PAK2: variants seen among roughly 807,000 people sequenced by gnomAD.
The protein encoded by PAK2 is p21 (RAC1) activated kinase 2.
PAK2 carries 21 observed loss-of-function variants against 65.9 expected under a neutral mutation model. That is an observed-to-expected ratio of 0.32 (90% confidence interval 0.23 to 0.46). PAK2 has a LOEUF of 0.46. Ranked by LOEUF, PAK2 falls within the 20% of genes least tolerant of loss-of-function variation. PAK2 has a pLI of 1.00. For synonymous variants in PAK2, 204 were observed against 219.7 expected, an observed-to-expected ratio of 0.93 and a Z score of 0.63; for missense variants, 324 against 642.6, an observed-to-expected ratio of 0.50 and a Z score of 5.36.
At chr3:196,786,294 C>G (rs1049174105) in intron 2 of PAK2, among the ~76,000 whole-genome samples, 3 of 151,856 alleles carry the variant, frequency 2.0e-5, no homozygotes, top group Non-Finnish European at 4.4e-5. Flanking sequence ...TCCCGAGTAG[C>G]TGGGATTACA....
At chr3:196,825,220 C>T (rs574205273) in intron 13 of PAK2, among the ~76,000 whole-genome samples, 10 of 134,318 alleles carry the variant, frequency 7.4e-5, no homozygotes, top group Non-Finnish European at 1.3e-4. Context: ...ATGGTGCATG[C>T]CTGTACTCCC....
At chr3:196,747,920 A>G (rs1203235073) in intron 1 of PAK2, among the ~76,000 whole-genome samples, 1 of 152,174 alleles carries the variant, frequency 6.6e-6, no homozygotes, top group Non-Finnish European at 1.5e-5. Context: ...CACTGAGGCC[A>G]TATTTGAAAG....
intron 1 of PAK2, among the ~76,000 whole-genome samples, chr3:196,740,720 C>G (rs1052465132): frequency 2.6e-5 from 4 of 152,162 alleles, no homozygotes; most frequent in Non-Finnish European, 5.9e-5. Context: ...TTGAGGGCCA[C>G]CGCTTACGAA....
intron 1 of PAK2, among the ~76,000 whole-genome samples, chr3:196,780,503 A>T (rs1024425180): frequency 6.6e-6 from 1 of 152,214 alleles, no homozygotes; most frequent in African/African-American, 2.4e-5. Flanking sequence ...ACTCCCTATC[A>T]GGAGAACAGC....
chr3:196,771,528 C>G (rs1466866766), intron 1 of PAK2, among the ~76,000 whole-genome samples: 1 of 150,646 alleles, frequency 6.6e-6, no homozygotes, highest in African/African-American at 2.5e-5. Context: ...TATGTTAGAC[C>G]ATCTAATCTA....
At chr3:196,766,416 C>T (rs1012204519) in intron 1 of PAK2, among the ~76,000 whole-genome samples, 11 of 152,252 alleles carry the variant, frequency 7.2e-5, no homozygotes, top group South Asian at 4.1e-4. Context: ...ATACCATAAT[C>T]TCTAAAGATG....
chr3:196,809,330 CT>C (rs1452282092), intron 7 of PAK2, among the ~76,000 whole-genome samples: 1 of 140,896 alleles, frequency 7.1e-6, no homozygotes, highest in African/African-American at 2.6e-5. Context: ...CTGGCTCTTA[CT>C]CTGTTATTAT....
chr3:196,779,326 T>C (rs955242352), intron 1 of PAK2, among the ~76,000 whole-genome samples: 1 of 152,236 alleles, frequency 6.6e-6, no homozygotes, highest in Non-Finnish European at 1.5e-5. Context: ...CTGTGTCCCT[T>C]TGGCATTTCC....
At chr3:196,745,117 A>G (rs113218360) in intron 1 of PAK2, among the ~76,000 whole-genome samples, 1,633 of 121,554 alleles carry the variant, frequency 0.013, 33 homozygotes, top group African/African-American at 0.044. Flanking sequence ...TTGTGTTTCA[A>G]TCTTTTTTTT....
chr3:196,811,308 C>T (rs144332640), intron 8 of PAK2, among the ~76,000 whole-genome samples: 59 of 22,732 alleles, frequency 2.6e-3, no homozygotes, highest in South Asian at 7.9e-3. Flanking sequence ...TCCCTTCCTT[C>T]CCTTCCTTTC....
At chr3:196,818,657 C>T (rs982693463) in intron 12 of PAK2, among the ~76,000 whole-genome samples, 3 of 152,164 alleles carry the variant, frequency 2.0e-5, no homozygotes, top group Admixed American at 6.6e-5. Flanking sequence ...TGAGCCACCG[C>T]GGCTGGCCAT....
At chr3:196,752,584 T>C (rs2108712049) in intron 1 of PAK2, among the ~76,000 whole-genome samples, 1 of 152,208 alleles carries the variant, frequency 6.6e-6, no homozygotes, top group East Asian at 1.9e-4. Context: ...TTGGTAATTT[T>C]GTTTTATTTA....
intron 14 of PAK2, 76 bp downstream of exon 14, chr3:196,827,409 A>G (rs1446708653): frequency 1.9e-6 from 3 of 1,546,312 alleles, no homozygotes; most frequent in South Asian, 1.3e-5. Flanking sequence ...CCTAGGGCTA[A>G]TAAGTAGATT....
intron 1 of PAK2, among the ~76,000 whole-genome samples, chr3:196,768,160 C>CTCACA (rs1440556938): frequency 2.0e-5 from 3 of 152,072 alleles, no homozygotes; most frequent in Non-Finnish European, 4.4e-5. Context: ...CGTGGTGGGA[C>CTCACA]ACTGAGGAGT....
At chr3:196,821,327 A>C (rs538759915) in intron 13 of PAK2, among the ~76,000 whole-genome samples, 1 of 144,310 alleles carries the variant, frequency 6.9e-6, no homozygotes, top group East Asian at 2.1e-4. Flanking sequence ...ACTCTGTCTC[A>C]GCAAAAAACA....
chr3:196,826,886 A>C (rs980868832), intron 13 of PAK2, among the ~76,000 whole-genome samples: 1 of 152,030 alleles, frequency 6.6e-6, no homozygotes, highest in Non-Finnish European at 1.5e-5. Context: ...GCACCACTGC[A>C]CTCCAGCCTG....
chr3:196,789,482 C>CTTTTTTTTTTT (rs60083205), intron 2 of PAK2, among the ~76,000 whole-genome samples: 1 of 150,462 alleles, frequency 6.6e-6, no homozygotes, highest in African/African-American at 2.5e-5. Flanking sequence ...TTTCTTTTTT[C>CTTTTTTTTTTT]TTTTTTGTTT....
At chr3:196,796,351 C>T (rs994543770) in intron 2 of PAK2, among the ~76,000 whole-genome samples, 15 of 151,988 alleles carry the variant, frequency 9.9e-5, no homozygotes, top group African/African-American at 3.6e-4. Flanking sequence ...TTGTTTGGTC[C>T]CATTTATATT....
Position 196,740,156 on chromosome 3 carries a change from G to C in PAK2, c.-23G>C, listed in dbSNP as rs1311796378. 6.6e-6 allele frequency: 1 copy of C among 152,148 alleles called. No individual in the cohort carries two copies. Among genetic ancestry groups the C allele is most frequent in the Non-Finnish European group, 1.5e-5 (1 of 68,088 alleles). 9.4% of individuals were successfully genotyped at this position (152,148 alleles called of 1,614,324 possible). A position where few individuals can be genotyped will look rare whatever the true frequency, so the allele number is the denominator to read the frequency against. ...TGGGGCGGGGACCTTGCCTTGCCCG[G>C]GGTAAGTGCACACAGGCCGGCCGGC... On this transcript the variant is annotated splice_region_variant and 5_prime_UTR_variant, in exon 1 of 15. Transcript: ENST00000327134.
Sources: allele counts gnomAD v4.1 joint callset (sites outside exome capture counted in the v4.1 genomes callset), GRCh38; gene constraint gnomAD v4.1.1; transcripts MANE v1.5; gene names NCBI Gene and HGNC (gene_info 2026-07-23, HGNC 2026-07-21).